ARFGEF2: variants seen among roughly 807,000 people sequenced by gnomAD.
ARFGEF2 encodes ARF guanine nucleotide exchange factor 2.
ARFGEF2 carries 74 observed loss-of-function variants against 219.9 expected under a neutral mutation model. The ratio of observed to expected loss-of-function variants is 0.34; its 90% CI spans 0.28 to 0.41. The LOEUF is 0.41. Ranked by LOEUF, ARFGEF2 falls within the 10% of genes least tolerant of loss-of-function variation. The pLI is 1.00. For synonymous variants in ARFGEF2, 733 were observed against 799.2 expected, an observed-to-expected ratio of 0.92 and a Z score of 1.40; for missense variants, 1,743 against 2,218.3, an observed-to-expected ratio of 0.79 and a Z score of 4.30.
At chr20:48,994,425 A>C (rs1269196257) in intron 21 of ARFGEF2, 26 bp from the exon 22 acceptor site, 1 of 1,613,496 alleles carries the variant, frequency 6.2e-7, no homozygotes, top group Non-Finnish European at 8.5e-7. Context: ...GTAGGAACTC[A>C]TTTCTTCATG....
intron 37 of ARFGEF2, among the ~76,000 whole-genome samples, chr20:49,030,767 G>A (rs1336489285): frequency 6.6e-6 from 1 of 152,156 alleles, no homozygotes; most frequent in Non-Finnish European, 1.5e-5. Context: ...GGGAGGCCGA[G>A]CCAGGTGGAT....
intron 25 of ARFGEF2, among the ~76,000 whole-genome samples, chr20:49,002,820 A>G (rs932220657): frequency 1.3e-5 from 2 of 150,242 alleles, no homozygotes; most frequent in African/African-American, 4.9e-5. Context: ...AATTTTTTGT[A>G]TTTTTAGTAG....
intron 23 of ARFGEF2, among the ~76,000 whole-genome samples, chr20:48,997,587 A>T (rs1222397363): frequency 6.6e-6 from 1 of 151,930 alleles, no homozygotes; most frequent in Non-Finnish European, 1.5e-5. Context: ...CCGTCTTTTG[A>T]TGTGTCACTT....
chr20:48,931,747 C>A (rs934125550), intron 1 of ARFGEF2, among the ~76,000 whole-genome samples: 1 of 152,048 alleles, frequency 6.6e-6, no homozygotes, highest in Non-Finnish European at 1.5e-5. Context: ...TTGGTGTGTT[C>A]GAGCAAGTAG....
At chr20:49,005,884 G>A (rs943133707) in intron 26 of ARFGEF2, among the ~76,000 whole-genome samples, 1 of 152,106 alleles carries the variant, frequency 6.6e-6, no homozygotes, top group African/African-American at 2.4e-5. Flanking sequence ...CCCCAGGGAG[G>A]TCATAAAAGA....
intron 37 of ARFGEF2, 105 bp from the exon 38 acceptor site, chr20:49,031,943 AC>A (rs952442942): frequency 1.4e-4 from 131 of 940,260 alleles, no homozygotes; most frequent in African/African-American, 7.7e-4. Context: ...ATTAAAAAAA[AC>A]ATGTTAAAAT....
At chr20:48,998,172 T>C in intron 23 of ARFGEF2, 21 bp from the exon 24 acceptor site, 1 of 1,613,322 alleles carries the variant, frequency 6.2e-7, no homozygotes, top group Non-Finnish European at 8.5e-7. Context: ...ATGTTTATTT[T>C]GTCTGGAATT....
At chr20:49,029,059 C>A (rs2091619266) in intron 37 of ARFGEF2, among the ~76,000 whole-genome samples, 1 of 152,210 alleles carries the variant, frequency 6.6e-6, no homozygotes, top group South Asian at 2.1e-4. Context: ...AATAACATCC[C>A]ATCATTCCTT....
At chr20:48,934,410 T>C (rs2090933728) in intron 1 of ARFGEF2, among the ~76,000 whole-genome samples, 1 of 152,178 alleles carries the variant, frequency 6.6e-6, no homozygotes, top group Non-Finnish European at 1.5e-5. Context: ...TAGGTGTACG[T>C]GTGCCATGGT....
At chr20:48,965,095 G>A (rs1423263368) in intron 7 of ARFGEF2, among the ~76,000 whole-genome samples, 1 of 152,124 alleles carries the variant, frequency 6.6e-6, no homozygotes, top group Non-Finnish European at 1.5e-5. Context: ...AGAAATGCCT[G>A]TAAAATAGAA....
At chr20:48,970,338 C>T (rs975625441) in intron 9 of ARFGEF2, among the ~76,000 whole-genome samples, 5 of 151,548 alleles carry the variant, frequency 3.3e-5, no homozygotes, top group African/African-American at 1.2e-4. Context: ...AGGCCGGGCG[C>T]GGTAGCTCAC....
At chr20:48,925,670 T>C (rs1028428185) in intron 1 of ARFGEF2, among the ~76,000 whole-genome samples, 1 of 152,034 alleles carries the variant, frequency 6.6e-6, no homozygotes, top group Non-Finnish European at 1.5e-5. Context: ...ACCCCATCTC[T>C]AAAAAAATAT....
At chr20:48,953,464 C>G in intron 5 of ARFGEF2, 92 bp from the exon 6 acceptor site, 2 of 1,218,702 alleles carry the variant, frequency 1.6e-6, no homozygotes, top group Admixed American at 1.7e-5. Flanking sequence ...GCGTTAACCA[C>G]CGCGCCCAGC....
chr20:48,960,354 G>A (rs2091139433), intron 6 of ARFGEF2, among the ~76,000 whole-genome samples: 1 of 152,218 alleles, frequency 6.6e-6, no homozygotes, highest in Non-Finnish European at 1.5e-5. Context: ...GGAGCTTGCA[G>A]GACTGGAAGT....
intron 33 of ARFGEF2, among the ~76,000 whole-genome samples, chr20:49,018,606 T>G (rs1334461993): frequency 6.6e-6 from 1 of 152,212 alleles, no homozygotes; most frequent in Non-Finnish European, 1.5e-5. Flanking sequence ...CATAAAAAAT[T>G]TGTCACACTT....
chr20:48,944,092 C>G (rs2091010315), intron 3 of ARFGEF2, among the ~76,000 whole-genome samples: 1 of 152,174 alleles, frequency 6.6e-6, no homozygotes, highest in Non-Finnish European at 1.5e-5. Flanking sequence ...ACAACTCTTC[C>G]AAATGCAAAG....
At chr20:48,977,782 G>A (rs1223362559) in intron 14 of ARFGEF2, among the ~76,000 whole-genome samples, 2 of 152,172 alleles carry the variant, frequency 1.3e-5, no homozygotes, top group Non-Finnish European at 2.9e-5. Flanking sequence ...CTTCTTTTGA[G>A]CAGTGTCTGT....
In ARFGEF2 at chr20:48,951,171, C is replaced by T. The variant is rs2091068611; in HGVS notation, c.277-152C>T. The stretch of plus-strand genomic sequence containing the variant: ...CTGTCAGGCGACAGGACGAAGGTTG[C>T]AGTCACAGAGTGGTTATGCCTGCCT... On this transcript the variant is annotated intron_variant, in intron 3 of 38. Transcript: ENST00000371917. 4.6e-6 allele frequency: 4 copies of T among 860,252 alleles called. No homozygotes were observed. In the South Asian group the frequency reaches 6.0e-5, roughly 13 times the overall value. The allele number at this position is 860,252 out of a possible 1,614,324, so 53.3% of individuals were successfully genotyped here. A position where few individuals can be genotyped will look rare whatever the true frequency, so the allele number is the denominator to read the frequency against.
chr20:49,000,798 C>G (rs1398970733), intron 25 of ARFGEF2, among the ~76,000 whole-genome samples: 1 of 152,146 alleles, frequency 6.6e-6, no homozygotes, highest in African/African-American at 2.4e-5. Flanking sequence ...TCTTTAAAGT[C>G]TGCATTTTGT....
Sources: gnomAD v4.1 joint callset for allele counts (sites outside exome capture counted in the v4.1 genomes callset) on GRCh38, gnomAD v4.1.1 for gene constraint, MANE v1.5 for transcripts, NCBI Gene and HGNC (gene_info 2026-07-23, HGNC 2026-07-21) for gene names.